Variants in NOX4 observed in about 807,000 individuals in gnomAD.
NOX4 encodes the protein NADPH oxidase 4.
Under a neutral mutation model 87.6 loss-of-function variants are expected in NOX4, and 69 were observed. The ratio of observed to expected loss-of-function variants is 0.79; its 90% CI spans 0.65 to 0.96. The LOEUF (loss-of-function observed/expected upper bound fraction) is 0.96. Ranked by LOEUF, NOX4 falls within the 40% of genes least tolerant of loss-of-function variation. NOX4 has a pLI of 0.00. For synonymous variants in NOX4, 275 were observed against 238.2 expected, an observed-to-expected ratio of 1.15 and a Z score of -1.42; for missense variants, 680 against 681.5, an observed-to-expected ratio of 1.00 and a Z score of 0.02.
At chr11:89,548,492 CAT>C in the NOX4 span, 1 of 152,140 alleles carries the variant, frequency 6.6e-6, no homozygotes, top group African/African-American at 2.4e-5. Context: ...CTGACTGAGA[CAT>C]GTGGACATTT....
At chr11:89,430,063 G>A (rs1165381250) in intron 7 of NOX4, among the ~76,000 whole-genome samples, 1 of 151,778 alleles carries the variant, frequency 6.6e-6, no homozygotes, top group African/African-American at 2.4e-5. Context: ...TGCAATCAAT[G>A]CATGTAATCC....
At chr11:89,466,153 T>C (rs1302289149) in intron 2 of NOX4, among the ~76,000 whole-genome samples, 3 of 152,202 alleles carry the variant, frequency 2.0e-5, no homozygotes, top group Admixed American at 6.5e-5. Flanking sequence ...GAAAAATGTT[T>C]GTTGTTTAAG....
intron 8 of NOX4, among the ~76,000 whole-genome samples, chr11:89,405,745 TAAAAAAGAAAA>T (rs1164591772): frequency 9.0e-6 from 1 of 110,548 alleles, no homozygotes; most frequent in Admixed American, 9.2e-5. Context: ...ACCTACTGGT[TAAAAAAGAAAA>T]AAAAAAAAAA....
intron 7 of NOX4, among the ~76,000 whole-genome samples, chr11:89,427,216 A>G (rs1943470785): frequency 6.6e-6 from 1 of 152,180 alleles, no homozygotes; most frequent in Non-Finnish European, 1.5e-5. Context: ...CCAAAACCTC[A>G]TTCGCATGTC....
chr11:89,340,418 GTT>G (rs1945933482), intron 14 of NOX4, among the ~76,000 whole-genome samples: 1 of 151,962 alleles, frequency 6.6e-6, no homozygotes, highest in Non-Finnish European at 1.5e-5. Flanking sequence ...AGTGTTAAAT[GTT>G]AAATGAATTT....
chr11:89,502,750 T>C (rs1947035820), upstream of NOX4, among the ~76,000 whole-genome samples: 1 of 152,112 alleles, frequency 6.6e-6, no homozygotes, highest in South Asian at 2.1e-4. Flanking sequence ...GCTAAATGTT[T>C]GCATCACAAG....
chr11:89,539,567 TCC>T, the NOX4 span, among the ~76,000 whole-genome samples: 1 of 152,102 alleles, frequency 6.6e-6, no homozygotes, highest in East Asian at 1.9e-4. Context: ...CCTTTCTCTC[TCC>T]TTTTTTGCCT....
intron 13 of NOX4, among the ~76,000 whole-genome samples, chr11:89,352,569 C>T (rs1008009441): frequency 4.6e-5 from 7 of 152,122 alleles, no homozygotes; most frequent in Non-Finnish European, 1.0e-4. Flanking sequence ...GGGAGGAAGT[C>T]ATAATATCAA....
At chr11:89,351,546 G>A (rs1946456004) in intron 13 of NOX4, among the ~76,000 whole-genome samples, 1 of 152,166 alleles carries the variant, frequency 6.6e-6, no homozygotes, top group Non-Finnish European at 1.5e-5. Flanking sequence ...TGTCTTCAAA[G>A]CTTCAAAGGA....
intron 17 of NOX4, among the ~76,000 whole-genome samples, chr11:89,327,716 A>G (rs1351232226): frequency 6.6e-6 from 1 of 152,148 alleles, no homozygotes; most frequent in Non-Finnish European, 1.5e-5. Flanking sequence ...GCACTGAACA[A>G]AAGACATTGA....
the NOX4 span, among the ~76,000 whole-genome samples, chr11:89,525,969 C>A: frequency 1.3e-5 from 2 of 152,038 alleles, no homozygotes; most frequent in Non-Finnish European, 2.9e-5. Flanking sequence ...TGAAAAGATT[C>A]TCTTTCTCCA....
At chr11:89,449,041 G>A (rs920641030) in intron 4 of NOX4, among the ~76,000 whole-genome samples, 2 of 152,012 alleles carry the variant, frequency 1.3e-5, no homozygotes, top group African/African-American at 4.8e-5. Flanking sequence ...GCCAACTTTT[G>A]GATATCATAA....
chr11:89,395,746 T>C lies in NOX4; in HGVS notation c.1074+4271A>G, dbSNP rs185258230. ...CAACTAGCCAATTTTCCCAGCTCCA[T>C]TTATTAAATAGGGAATCCTTTCCCC... On this transcript the variant is annotated intron_variant, in intron 11 of 17. Coordinates refer to ENST00000263317, the MANE Select transcript of NOX4 (RefSeq NM_016931.5). Among the ~76,000 whole-genome samples the C allele has an allele frequency of 3.3e-5, 5 of 152,276 alleles. No homozygotes were observed. In the South Asian group the frequency reaches 1.0e-3, roughly 32 times the overall value.
intron 2 of NOX4, among the ~76,000 whole-genome samples, chr11:89,476,725 A>G (rs946999785): frequency 6.6e-6 from 1 of 152,194 alleles, no homozygotes. Flanking sequence ...ATCTGAGTTT[A>G]CATGCCTGGA....
chr11:89,533,610 T>C, the NOX4 span: 1 of 152,190 alleles, frequency 6.6e-6, no homozygotes, highest in African/African-American at 2.4e-5. Context: ...AAAATTCTTT[T>C]CTGTTAAGCC....
intron 8 of NOX4, among the ~76,000 whole-genome samples, chr11:89,409,904 G>C (rs1339379600): frequency 6.6e-6 from 1 of 151,840 alleles, no homozygotes; most frequent in Non-Finnish European, 1.5e-5. Context: ...AAAAATTGAA[G>C]AACTAAAAAG....
At chr11:89,351,511 C>G (rs959172546) in intron 13 of NOX4, among the ~76,000 whole-genome samples, 1 of 152,162 alleles carries the variant, frequency 6.6e-6, no homozygotes, top group Non-Finnish European at 1.5e-5. Flanking sequence ...ACGGTATTCA[C>G]AGCTGGAAAA....
chr11:89,345,746 TC>T (rs1946188876), intron 13 of NOX4, among the ~76,000 whole-genome samples: 1 of 152,126 alleles, frequency 6.6e-6, no homozygotes, highest in Admixed American at 6.6e-5. Flanking sequence ...AAATCCAACA[TC>T]CCTTTATGGT....
chr11:89,505,102 G>A, the NOX4 span, among the ~76,000 whole-genome samples: 1 of 151,910 alleles, frequency 6.6e-6, no homozygotes, highest in Non-Finnish European at 1.5e-5. Context: ...TACCTTTTAA[G>A]TCTCAGAGGA....
Sources: gnomAD v4.1 joint callset for allele counts (sites outside exome capture counted in the v4.1 genomes callset) on GRCh38, gnomAD v4.1.1 for gene constraint, MANE v1.5 for transcripts, NCBI Gene and HGNC (gene_info 2026-07-23, HGNC 2026-07-21) for gene names.